The following SLC38A12 variants were observed in gnomAD, a reference collection of about 807,000 sequenced individuals.
The protein encoded by SLC38A12 is putative sodium-coupled neutral amino acid transporter 12.
chr17:74,785,829 A>G, the SLC38A12 span: 1 of 503,388 alleles, frequency 2.0e-6, no homozygotes, highest in Non-Finnish European at 3.5e-6. Flanking sequence ...TCAGATAAAA[A>G]CCTGGACATC....
the SLC38A12 span, among the ~76,000 whole-genome samples, chr17:74,818,277 A>G: frequency 6.6e-6 from 1 of 152,132 alleles, no homozygotes; most frequent in African/African-American, 2.4e-5. Context: ...GATAGAAAGA[A>G]AGACTTCTTT....
At chr17:74,787,449 CG>C in the SLC38A12 span, among the ~76,000 whole-genome samples, 1 of 151,226 alleles carries the variant, frequency 6.6e-6, no homozygotes, top group East Asian at 2.0e-4. Context: ...GGTGAAACCC[CG>C]TCTCTACTAA....
chr17:74,813,238 G>T, the SLC38A12 span, among the ~76,000 whole-genome samples: 1 of 152,198 alleles, frequency 6.6e-6, no homozygotes, highest in African/African-American at 2.4e-5. Context: ...GACATTGCCC[G>T]CTTTTCAAGT....
the SLC38A12 span, among the ~76,000 whole-genome samples, chr17:74,810,624 C>A: frequency 6.6e-6 from 1 of 152,236 alleles, no homozygotes; most frequent in Non-Finnish European, 1.5e-5. Flanking sequence ...ACCCGACAGC[C>A]TGTCCTGGCA....
the SLC38A12 span, chr17:74,836,690 G>A: frequency 6.3e-7 from 1 of 1,585,414 alleles, no homozygotes; most frequent in Non-Finnish European, 8.6e-7. This position sits in a 1 kb window ranked among gnomAD's most constrained non-coding sequence, Gnocchi z 4.2. Context: ...AGCTCTGATG[G>A]CAGGACAGGC....
the SLC38A12 span, among the ~76,000 whole-genome samples, chr17:74,828,744 GAGA>G: frequency 0.014 from 2,097 of 152,284 alleles, 40 homozygotes; most frequent in African/African-American, 0.047. Flanking sequence ...TGGGCTTTTC[GAGA>G]AGGATTGGTG....
chr17:74,795,116 G>A, the SLC38A12 span: 2 of 1,613,626 alleles, frequency 1.2e-6, no homozygotes, highest in Non-Finnish European at 1.7e-6. Context: ...GACCTGGTGA[G>A]TACCCTCCTG....
the SLC38A12 span, chr17:74,836,721 TAGGGGCCCCAG>T: frequency 6.4e-7 from 1 of 1,552,072 alleles, no homozygotes; most frequent in South Asian, 1.2e-5. The surrounding 1 kb of genome is among the most constrained non-coding windows in gnomAD (Gnocchi z 4.2). Context: ...ACAGGAGGCA[TAGGGGCCCCAG>T]CCCCACCCCT....
At chr17:74,809,387 G>A in the SLC38A12 span, among the ~76,000 whole-genome samples, 6 of 152,124 alleles carry the variant, frequency 3.9e-5, no homozygotes, top group African/African-American at 1.4e-4. Context: ...CTGAGCCTCA[G>A]AGCAGCCTCC....
chr17:74,823,528 C>G, the SLC38A12 span, among the ~76,000 whole-genome samples: 2 of 152,262 alleles, frequency 1.3e-5, no homozygotes. Context: ...CAGGAAAACT[C>G]AAAGCATGGA....
the SLC38A12 span, among the ~76,000 whole-genome samples, chr17:74,804,091 C>G: frequency 6.6e-6 from 1 of 152,222 alleles, no homozygotes; most frequent in Non-Finnish European, 1.5e-5. Flanking sequence ...TCCTTTTATC[C>G]TGTAGATCAG....
the SLC38A12 span, among the ~76,000 whole-genome samples, chr17:74,822,047 G>A: frequency 6.6e-6 from 1 of 152,204 alleles, no homozygotes; most frequent in South Asian, 2.1e-4. Context: ...ACTTGTTTAG[G>A]GTGACAGATT....
chr17:74,779,797 C>T, the SLC38A12 span, among the ~76,000 whole-genome samples: 2 of 152,176 alleles, frequency 1.3e-5, no homozygotes, highest in African/African-American at 4.8e-5. Flanking sequence ...TCTCTATTGC[C>T]CCATTCATTT....
At chr17:74,790,267 G>A in the SLC38A12 span, 42 of 1,614,126 alleles carry the variant, frequency 2.6e-5, 1 homozygote, top group African/African-American at 3.3e-4. Context: ...AACTACGAGC[G>A]GGCAGAGAAG....
chr17:74,778,639 C>CTTTT, the SLC38A12 span, among the ~76,000 whole-genome samples: 6 of 75,784 alleles, frequency 7.9e-5, no homozygotes, highest in South Asian at 5.0e-4. Context: ...CAGGGGAAGT[C>CTTTT]TTTTTTTTTT....
the SLC38A12 span, chr17:74,836,342 A>G: frequency 2.3e-5 from 37 of 1,612,036 alleles, no homozygotes; most frequent in East Asian, 4.5e-5. The surrounding 1 kb of genome is among the most constrained non-coding windows in gnomAD (Gnocchi z 4.2). Context: ...ACTGGAAGAC[A>G]CTCTTCCACC....
chr17:74,787,762 T>C, the SLC38A12 span, among the ~76,000 whole-genome samples: 1 of 151,994 alleles, frequency 6.6e-6, no homozygotes, highest in South Asian at 2.1e-4. Flanking sequence ...AAAGCATTCA[T>C]GCATTCCAGC....
chr17:74,782,861 G>A, the SLC38A12 span, among the ~76,000 whole-genome samples: 1 of 152,186 alleles, frequency 6.6e-6, no homozygotes, highest in African/African-American at 2.4e-5. Context: ...TGGGCGTGTT[G>A]GCTCACTCCT....
the SLC38A12 span, among the ~76,000 whole-genome samples, chr17:74,779,865 G>A: frequency 6.6e-6 from 1 of 152,194 alleles, no homozygotes; most frequent in Non-Finnish European, 1.5e-5. Flanking sequence ...GAATTATTCT[G>A]CCTAAAATAT....
Sources: allele counts gnomAD v4.1 joint callset (sites outside exome capture counted in the v4.1 genomes callset), GRCh38; gene constraint gnomAD v4.1.1; non-coding constraint Gnocchi (gnomAD v3.1); transcripts MANE v1.5; gene names NCBI Gene and HGNC (gene_info 2026-07-23, HGNC 2026-07-21).